The following NCKAP5 variants were observed in gnomAD, a reference collection of about 807,000 sequenced individuals.
NCKAP5 encodes the protein nck-associated protein 5.
Under a neutral mutation model 167.0 loss-of-function variants are expected in NCKAP5, and 92 were observed. The observed-to-expected ratio is 0.55, with a 90% CI of 0.47 to 0.66. The LOEUF (loss-of-function observed/expected upper bound fraction) is 0.66. Ranked by LOEUF, NCKAP5 falls within the 30% of genes least tolerant of loss-of-function variation. NCKAP5 has a pLI of 0.00. For missense variants in NCKAP5, 2,378 were observed against 2,315.0 expected, an observed-to-expected ratio of 1.03 and a Z score of -0.56; for synonymous variants, 891 against 877.4, an observed-to-expected ratio of 1.02 and a Z score of -0.27.
At chr2:132,973,760 C>A (rs2076901253) in intron 7 of NCKAP5, among the ~76,000 whole-genome samples, 1 of 151,560 alleles carries the variant, frequency 6.6e-6, no homozygotes. Flanking sequence ...AAAAAGAAAA[C>A]CTTCTCTTTT....
chr2:132,745,571 T>G (rs1679569080), intron 16 of NCKAP5, among the ~76,000 whole-genome samples: 2 of 151,870 alleles, frequency 1.3e-5, no homozygotes, highest in Admixed American at 6.6e-5. Context: ...ACCACTTCCA[T>G]TTAACATTAT....
intron 2 of NCKAP5, among the ~76,000 whole-genome samples, chr2:133,542,718 G>A (rs1436725385): frequency 6.6e-6 from 1 of 152,062 alleles, no homozygotes; most frequent in Non-Finnish European, 1.5e-5. Context: ...TATGTATTAC[G>A]TTCTTGTCAT....
intron 4 of NCKAP5, 33 bp from the exon 5 acceptor site, chr2:133,213,812 A>T: frequency 6.2e-7 from 1 of 1,609,408 alleles, no homozygotes. Flanking sequence ...TTAGTTGACC[A>T]TTCTCAGGGT....
chr2:132,756,123 G>C (rs1177798580), intron 16 of NCKAP5, among the ~76,000 whole-genome samples: 1 of 152,044 alleles, frequency 6.6e-6, no homozygotes, highest in East Asian at 1.9e-4. Context: ...CTGTGAGACT[G>C]TTGCAGGAAT....
intron 19 of NCKAP5, among the ~76,000 whole-genome samples, chr2:132,696,717 A>G (rs1380087760): frequency 1.3e-5 from 2 of 152,186 alleles, no homozygotes; most frequent in African/African-American, 4.8e-5. Flanking sequence ...AAGGAGAGAA[A>G]AAAAACTCAA....
intron 3 of NCKAP5, among the ~76,000 whole-genome samples, chr2:133,404,548 G>T (rs1335218780): frequency 6.6e-6 from 1 of 152,148 alleles, no homozygotes; most frequent in East Asian, 1.9e-4. Flanking sequence ...TATGAATGTG[G>T]TCTCTCATTT....
At chr2:133,150,216 T>G (rs1429888331) in intron 5 of NCKAP5, among the ~76,000 whole-genome samples, 2 of 152,210 alleles carry the variant, frequency 1.3e-5, no homozygotes, top group African/African-American at 2.4e-5. Context: ...CTGAACAGCA[T>G]GATGAAATCA....
At chr2:133,336,326 G>A (rs186295448) in intron 3 of NCKAP5, among the ~76,000 whole-genome samples, 1 of 152,234 alleles carries the variant, frequency 6.6e-6, no homozygotes, top group Admixed American at 6.5e-5. Context: ...CGCACACCAA[G>A]TAAGCGGCTA....
At chr2:133,074,377 T>TG (rs397723033) in intron 6 of NCKAP5, among the ~76,000 whole-genome samples, 1 of 151,988 alleles carries the variant, frequency 6.6e-6, no homozygotes, top group Non-Finnish European at 1.5e-5. Context: ...TAATTTTTTT[T>TG]GAGACAGGGT....
chr2:133,135,044 T>A (rs899158738), intron 5 of NCKAP5, among the ~76,000 whole-genome samples: 2 of 150,892 alleles, frequency 1.3e-5, no homozygotes. Context: ...ATGAGTCAAA[T>A]GGACATGGTT....
At chr2:132,981,121 T>C (rs1446854900) in intron 7 of NCKAP5, among the ~76,000 whole-genome samples, 1 of 152,192 alleles carries the variant, frequency 6.6e-6, no homozygotes, top group African/African-American at 2.4e-5. Context: ...CACCTGTACA[T>C]TTTGTAATAA....
At chr2:133,106,063 G>A (rs1274442731) in intron 6 of NCKAP5, among the ~76,000 whole-genome samples, 1 of 152,014 alleles carries the variant, frequency 6.6e-6, no homozygotes, top group African/African-American at 2.4e-5. Flanking sequence ...GGAGGTCGAG[G>A]TGGGTGGATC....
intron 3 of NCKAP5, among the ~76,000 whole-genome samples, chr2:133,382,524 T>C (rs1192163604): frequency 6.6e-6 from 1 of 152,134 alleles, no homozygotes; most frequent in East Asian, 1.9e-4. Context: ...CACACCACAC[T>C]GGTCCCCTCT....
intron 7 of NCKAP5, among the ~76,000 whole-genome samples, chr2:132,966,671 C>T (rs1240022087): frequency 6.6e-6 from 1 of 152,094 alleles, no homozygotes; most frequent in African/African-American, 2.4e-5. Flanking sequence ...ATGTGTATTT[C>T]TATTTAAAGA....
intron 8 of NCKAP5, among the ~76,000 whole-genome samples, chr2:132,909,157 G>A (rs1210910481): frequency 6.6e-6 from 1 of 152,254 alleles, no homozygotes; most frequent in South Asian, 2.1e-4. Flanking sequence ...GACCAGCATG[G>A]TCAACATGGT....
chr2:132,794,700 C>T (rs538688166), intron 12 of NCKAP5, among the ~76,000 whole-genome samples: 4 of 147,850 alleles, frequency 2.7e-5, no homozygotes, highest in Admixed American at 2.0e-4. Context: ...TGTGTCTTGG[C>T]TCTTCAACTA....
At chr2:133,641,151 C>T in the NCKAP5 span, among the ~76,000 whole-genome samples, 301 of 152,258 alleles carry the variant, frequency 2.0e-3, no homozygotes, top group African/African-American at 6.5e-3. Flanking sequence ...TTCATATGGA[C>T]GTCAGAAATT....
intron 11 of NCKAP5, among the ~76,000 whole-genome samples, chr2:132,831,674 A>T (rs546513336): frequency 1.4e-4 from 22 of 151,894 alleles, no homozygotes; most frequent in African/African-American, 5.3e-4. Context: ...CTTGTCTTTT[A>T]ACTTTATTTA....
At chr2:133,165,428 T>G (rs557026620) in intron 5 of NCKAP5, among the ~76,000 whole-genome samples, 1 of 152,312 alleles carries the variant, frequency 6.6e-6, no homozygotes, top group Admixed American at 6.5e-5. Context: ...GTATTGTTTA[T>G]AGAAGCAATC....
Sources: allele counts gnomAD v4.1 joint callset (sites outside exome capture counted in the v4.1 genomes callset), GRCh38; gene constraint gnomAD v4.1.1; transcripts MANE v1.5; gene names NCBI Gene and HGNC (gene_info 2026-07-23, HGNC 2026-07-21).